UGT3A2: variants seen among roughly 807,000 people sequenced by gnomAD.
The protein encoded by UGT3A2 is UDP glycosyltransferase family 3 member A2, also known as UDP-glycosyltransferase 3A2.
In UGT3A2, 32 loss-of-function variants were observed where a neutral mutation model predicts 39.8. The ratio of observed to expected loss-of-function variants is 0.80; its 90% CI spans 0.61 to 1.08. The LOEUF (loss-of-function observed/expected upper bound fraction) is 1.08. UGT3A2 is among the 50% of genes least tolerant of loss of function. UGT3A2 has a pLI of 0.00. For synonymous variants in UGT3A2, 241 were observed against 230.7 expected (o/e 1.04, Z -0.40); for missense variants, 611 against 637.1 (o/e 0.96, Z 0.44).
In UGT3A2 at chr5:36,048,940, G is replaced by C. The variant is rs369380827; in HGVS notation, c.792C>G (p.Asn264Lys). ...CCATCAAGCCTCCAACATAAACAGTGTTGGGAAGCAGAGGTCGAGCAAAAT... is the reference window on the plus strand; with the variant it reads ...CCATCAAGCCTCCAACATAAACAGTCTTGGGAAGCAGAGGTCGAGCAAAAT... ...AFDFARPLLPNTVYVGGLMEK... is the reference protein window; with the variant it reads ...AFDFARPLLPKTVYVGGLMEK... Residue 264 changes from asparagine (N) to lysine (K), a missense_variant, in exon 4 of 7, where the codon AAC (asparagine) becomes AAG (lysine). Coordinates refer to ENST00000282507, the MANE Select transcript of UGT3A2 (RefSeq NM_174914.4). 53 of 1,614,060 alleles carry C rather than the reference G, an allele frequency of 3.3e-5. No individual in the cohort carries two copies. Among genetic ancestry groups the C allele is most frequent in the Non-Finnish European group, 1.4e-5 (17 of 1,180,042 alleles).
At position 36,064,362 on chromosome 5, in the gene UGT3A2, G is replaced by A; in HGVS notation, c.95-12C>T. On this transcript the variant is annotated splice_polypyrimidine_tract_variant and intron_variant, in intron 1 of 6. Transcript: ENST00000282507. The stretch of plus-strand genomic sequence containing the variant: ...ATAATGGCTTCCACCTAGGAACAAT[G>A]CACAACTTCAGTTCTGGAATGATGA... 3 of 1,605,784 alleles carry A rather than the reference G, an allele frequency of 1.9e-6. No homozygotes were observed. Among genetic ancestry groups the A allele is most frequent in the Non-Finnish European group, 2.6e-6 (3 of 1,172,514 alleles).
intron 2 of UGT3A2, among the ~76,000 whole-genome samples, chr5:36,057,040 T>C (rs1381450936): frequency 4.6e-5 from 7 of 152,254 alleles, no homozygotes; most frequent in Non-Finnish European, 7.3e-5. Flanking sequence ...CTCATGCTCG[T>C]GAATATCTCT....
chr5:36,039,689 G>A lies in UGT3A2; in HGVS notation c.863C>T (p.Ala288Val), dbSNP rs1013895221. Reference protein sequence around the residue: ...PVPQDLENFIAKFGDSGFVLV... With the variant: ...PVPQDLENFIVKFGDSGFVLV... ...GACAAAACCAGAGTCCCCAAACTTG[G>A]CAATGAAGTTCTCCAAGTCCTGGAG... is the stretch of plus-strand genomic sequence containing the variant. Residue 288 changes from alanine to valine, a missense_variant, in exon 5 of 7, where the codon GCC becomes GTC. By Grantham distance (64) the Ala-to-Val change is moderately conservative (BLOSUM62 0). Transcript: ENST00000282507. 2 of 1,614,036 alleles carry A rather than the reference G, an allele frequency of 1.2e-6. No homozygotes were observed. The highest frequency in any genetic ancestry group is 1.3e-5 in the African/African-American group (1 of 74,916).
intron 2 of UGT3A2, 78 bp downstream of exon 2, chr5:36,064,171 T>G (rs1220871988): frequency 7.7e-7 from 1 of 1,303,874 alleles, no homozygotes; most frequent in Admixed American, 2.1e-5. Context: ...AAAAAACATT[T>G]TGCTAAGCCT....
chr5:36,060,497 T>C (rs1742657725), intron 2 of UGT3A2, among the ~76,000 whole-genome samples: 1 of 152,148 alleles, frequency 6.6e-6, no homozygotes, highest in Non-Finnish European at 1.5e-5. Flanking sequence ...ATCAAGCAGC[T>C]GACCAATCGT....
intron 2 of UGT3A2, among the ~76,000 whole-genome samples, chr5:36,053,126 T>C (rs1013996921): frequency 3.3e-5 from 5 of 152,198 alleles, no homozygotes; most frequent in Admixed American, 6.5e-5. Context: ...GGAGTACAGA[T>C]ATAACATTAC....
chr5:36,064,461 G>T, intron 1 of UGT3A2, 111 bp from the exon 2 acceptor site: 2 of 942,434 alleles, frequency 2.1e-6, no homozygotes, highest in South Asian at 1.8e-5. Flanking sequence ...GATAGTGATT[G>T]GAGGAAGATG....
intron 4 of UGT3A2, among the ~76,000 whole-genome samples, 166 bp downstream of exon 4, chr5:36,048,723 A>G (rs1260606550): frequency 6.6e-6 from 1 of 152,186 alleles, no homozygotes; most frequent in Non-Finnish European, 1.5e-5. Context: ...CTAACATTAT[A>G]CTTGCACAAC....
At chr5:36,051,500 G>A (rs1339256826) in intron 3 of UGT3A2, among the ~76,000 whole-genome samples, 2 of 152,192 alleles carry the variant, frequency 1.3e-5, no homozygotes, top group African/African-American at 4.8e-5. Context: ...AAAAGTTGAG[G>A]AGCCTATCCC....
At chr5:36,048,842 G>C in intron 4 of UGT3A2, 47 bp downstream of exon 4, 9 of 1,586,378 alleles carry the variant, frequency 5.7e-6, no homozygotes, top group Non-Finnish European at 7.7e-6. Flanking sequence ...ACTATGCACT[G>C]AAGGCCTCTG....
intron 2 of UGT3A2, among the ~76,000 whole-genome samples, chr5:36,061,297 A>T (rs1742692495): frequency 6.6e-6 from 1 of 152,002 alleles, no homozygotes; most frequent in Non-Finnish European, 1.5e-5. Flanking sequence ...TGTGCAGGTT[A>T]GTTACATACG....
chr5:36,057,826 C>T lies in UGT3A2; in HGVS notation c.197-5842G>A, dbSNP rs146689250. ...AAGTGCTGGGATTACAAATGTGAGC[C>T]ACTATACCCAGCCAGTAGTTTCTCA... On this transcript the variant is annotated intron_variant, in intron 2 of 6. Transcript: ENST00000282507. 5.8e-4 allele frequency among the ~76,000 whole-genome samples: 88 copies of T among 152,218 alleles called. 1 individual carries two copies. Among genetic ancestry groups the T allele is most frequent in the African/African-American group, 2.0e-3 (83 of 41,524 alleles).
intron 2 of UGT3A2, among the ~76,000 whole-genome samples, chr5:36,059,312 A>G (rs769691435): frequency 2.6e-5 from 4 of 151,272 alleles, no homozygotes; most frequent in Non-Finnish European, 4.4e-5. Context: ...AAGAATGAGA[A>G]GTTTTTGAAT....
chr5:36,063,669 C>T (rs932552064), intron 2 of UGT3A2, among the ~76,000 whole-genome samples: 1 of 152,186 alleles, frequency 6.6e-6, no homozygotes, highest in African/African-American at 2.4e-5. Context: ...TGGAGTCTCA[C>T]TCTGTTGCCC....
intron 4 of UGT3A2, among the ~76,000 whole-genome samples, chr5:36,042,793 G>C (rs1742051696): frequency 1.3e-5 from 2 of 151,998 alleles, no homozygotes; most frequent in African/African-American, 4.8e-5. Context: ...AGACAAAGAA[G>C]GTTATTATAT....
intron 4 of UGT3A2, among the ~76,000 whole-genome samples, chr5:36,046,008 G>A (rs565221182): frequency 6.6e-6 from 1 of 152,228 alleles, no homozygotes; most frequent in African/African-American, 2.4e-5. Flanking sequence ...ATGGCAAACA[G>A]GCATATAAAA....
At chr5:36,040,702 T>G (rs936066007) in intron 4 of UGT3A2, among the ~76,000 whole-genome samples, 3 of 152,122 alleles carry the variant, frequency 2.0e-5, no homozygotes, top group African/African-American at 7.2e-5. Context: ...TCAGTGCTGG[T>G]TAGACCAAGC....
intron 5 of UGT3A2, 21 bp downstream of exon 5, chr5:36,039,456 G>C: frequency 6.2e-7 from 1 of 1,608,434 alleles, no homozygotes; most frequent in Non-Finnish European, 8.5e-7. Context: ...AAGGAGAGGA[G>C]CAGTCCTGGG....
intron 2 of UGT3A2, among the ~76,000 whole-genome samples, chr5:36,055,350 G>C (rs149991119): frequency 8.6e-5 from 13 of 151,686 alleles, no homozygotes; most frequent in Non-Finnish European, 1.5e-4. Flanking sequence ...CATGTGCCTC[G>C]GTCCTCTGAG....
Sources: allele counts gnomAD v4.1 joint callset (sites outside exome capture counted in the v4.1 genomes callset), GRCh38; gene constraint gnomAD v4.1.1; transcripts MANE v1.5; gene names NCBI Gene and HGNC (gene_info 2026-07-23, HGNC 2026-07-21).